The following KCNJ15 variants were observed in gnomAD, a reference collection of about 807,000 sequenced individuals.
The protein encoded by KCNJ15 is ATP-sensitive inward rectifier potassium channel 15.
A neutral mutation model predicts 23.0 loss-of-function variants in KCNJ15; 14 were observed. That is an observed-to-expected ratio of 0.61 (90% CI 0.40 to 0.95). The LOEUF (loss-of-function observed/expected upper bound fraction) is 0.95. KCNJ15 is among the 40% of genes least tolerant of loss of function. The pLI is 0.00. For missense variants in KCNJ15, 388 were observed against 461.8 expected, an observed-to-expected ratio of 0.84 and a Z score of 1.46; for synonymous variants, 185 against 183.2, an observed-to-expected ratio of 1.01 and a Z score of -0.08.
At chr21:38,243,663 C>A (rs1979164159) in intron 1 of KCNJ15, among the ~76,000 whole-genome samples, 2 of 152,210 alleles carry the variant, frequency 1.3e-5, no homozygotes, top group African/African-American at 4.8e-5. Context: ...CTCAGGTGAT[C>A]TGCCCGCCTC....
intron 1 of KCNJ15, among the ~76,000 whole-genome samples, chr21:38,281,309 G>T (rs992006997): frequency 6.6e-6 from 1 of 151,974 alleles, no homozygotes; most frequent in Admixed American, 6.6e-5. Context: ...ATAGGTATGG[G>T]GTACATGTGC....
rs1235511904 is a variant in KCNJ15 at position 38,301,432 on chromosome 21, G to A, written c.*1043G>A. Reference sequence around the variant, plus strand: ...TCTATTAAAATGGCTTGCCCATAAAGGAACTGCATAGGATTATCCCCTGAC... The same window carrying A: ...TCTATTAAAATGGCTTGCCCATAAAAGAACTGCATAGGATTATCCCCTGAC... On this transcript the variant is annotated 3_prime_UTR_variant, in exon 3 of 3. Transcript: ENST00000398938. 6.0e-6 allele frequency: 1 copy of A among 167,060 alleles called. No individual in the cohort carries two copies. The highest frequency in any genetic ancestry group is 1.5e-5 in the Non-Finnish European group (1 of 68,100). 10.3% of individuals were successfully genotyped at this position (167,060 alleles called of 1,614,324 possible). A position where few individuals can be genotyped will look rare whatever the true frequency, so the allele number is the denominator to read the frequency against.
At position 38,300,283 on chromosome 21, in the gene KCNJ15, T is replaced by G. The variant is rs1406899179; in HGVS notation, c.1022T>G (p.Phe341Cys). 6.2e-7 allele frequency: 1 copy of G among 1,614,028 alleles called. No individual in the cohort carries two copies. Among genetic ancestry groups the G allele is most frequent in the Non-Finnish European group, 8.5e-7 (1 of 1,180,016 alleles). ...EQIRKSPDCT[F>C]YCADSEKQQL... ...ATTCGGAAAAGCCCAGATTGCACATTTTACTGTGCAGATTCTGAGAAACAG... is the reference window on the plus strand; with the variant it reads ...ATTCGGAAAAGCCCAGATTGCACATGTTACTGTGCAGATTCTGAGAAACAG... Residue 341 changes from phenylalanine (F) to cysteine (C), a missense_variant, in exon 3 of 3, where the codon TTT (phenylalanine) becomes TGT (cysteine). By Grantham distance (205) the Phe-to-Cys change is radical (BLOSUM62 -2). Transcript: ENST00000398938.
At position 38,305,332 on chromosome 21, in the gene KCNJ15, T is replaced by G. The variant is rs567881506; in HGVS notation, c.*4943T>G. 36 of 152,318 alleles carry G rather than the reference T, an allele frequency of 2.4e-4. No individual in the cohort carries two copies. The highest frequency in any genetic ancestry group is 7.5e-4 in the African/African-American group (31 of 41,566). 9.4% of individuals were successfully genotyped at this position (152,318 alleles called of 1,614,324 possible). A position where few individuals can be genotyped will look rare whatever the true frequency, so the allele number is the denominator to read the frequency against. On this transcript the variant is annotated 3_prime_UTR_variant, in exon 3 of 3. Transcript: ENST00000398938. ...TTAGGAATTTATGGACATTCAGATA[T>G]CCACATATTTGAGGGCAGGAATTTT...
intron 1 of KCNJ15, among the ~76,000 whole-genome samples, chr21:38,295,546 A>C (rs1032855033): frequency 6.9e-6 from 1 of 145,690 alleles, no homozygotes; most frequent in Non-Finnish European, 1.5e-5. Flanking sequence ...GGCAAGCTGC[A>C]CTTTTTTTTT....
intron 1 of KCNJ15, chr21:38,237,258 A>G (rs1378197991): frequency 6.6e-6 from 1 of 152,312 alleles, no homozygotes; most frequent in African/African-American, 2.4e-5. Context: ...TGATCCAAAA[A>G]TAGCTTTAGA....
Position 38,302,774 on chromosome 21 carries a change from A to G in KCNJ15, c.*2385A>G, listed in dbSNP as rs892764953. 6.6e-6 allele frequency: 1 copy of G among 152,244 alleles called. No individual in the cohort carries two copies. The highest frequency in any genetic ancestry group is 2.4e-5 in the African/African-American group (1 of 41,470). 9.4% of individuals were successfully genotyped at this position (152,244 alleles called of 1,614,324 possible). ...ATTGTATATGGTACAAGGACGTAGC[A>G]TAAGATCCAAAAAAAATTTTGTATT... On this transcript the variant is annotated 3_prime_UTR_variant, in exon 3 of 3. Transcript: ENST00000398938.
chr21:38,240,822 A>C (rs1978944633), intron 1 of KCNJ15, among the ~76,000 whole-genome samples: 1 of 152,186 alleles, frequency 6.6e-6, no homozygotes. Context: ...TAGTCTGTAA[A>C]ACCTTGGCAT....
intron 1 of KCNJ15, among the ~76,000 whole-genome samples, chr21:38,245,306 AC>A (rs972039746): frequency 6.6e-6 from 1 of 151,768 alleles, no homozygotes; most frequent in African/African-American, 2.4e-5. Context: ...TCCAGGCCCC[AC>A]CCCAGACCAA....
intron 1 of KCNJ15, among the ~76,000 whole-genome samples, chr21:38,279,767 A>G (rs1488963353): frequency 1.3e-5 from 2 of 152,178 alleles, no homozygotes; most frequent in Admixed American, 1.3e-4. Flanking sequence ...TTCTATTTAG[A>G]CAAACTCATT....
intron 1 of KCNJ15, among the ~76,000 whole-genome samples, chr21:38,288,762 T>C (rs1285309978): frequency 2.6e-5 from 4 of 152,172 alleles, no homozygotes; most frequent in Admixed American, 6.5e-5. Context: ...TATAATGATA[T>C]GGCATAAAAA....
intron 1 of KCNJ15, among the ~76,000 whole-genome samples, chr21:38,234,491 C>G (rs146497894): frequency 3.9e-5 from 6 of 152,290 alleles, no homozygotes; most frequent in Non-Finnish European, 7.4e-5. Flanking sequence ...CAAGAATTAA[C>G]AATGGTAATT....
intron 1 of KCNJ15, among the ~76,000 whole-genome samples, chr21:38,282,110 G>A (rs9974616): frequency 0.052 from 7,845 of 151,940 alleles, 243 homozygotes; most frequent in South Asian, 0.076. Context: ...TTTTTTAAAT[G>A]GAGCAATATG....
intron 1 of KCNJ15, among the ~76,000 whole-genome samples, chr21:38,278,703 G>A (rs1457350603): frequency 6.6e-6 from 1 of 152,168 alleles, no homozygotes; most frequent in African/African-American, 2.4e-5. Context: ...AAGACAGGAG[G>A]TGGGCTTTCG....
In KCNJ15 at chr21:38,292,257, G is replaced by A. The variant is rs138923573; in HGVS notation, c.-116-4669G>A. 5.4e-4 allele frequency among the ~76,000 whole-genome samples: 82 copies of A among 152,324 alleles called. 2 individuals carry two copies. In the East Asian group the frequency reaches 0.011, roughly 20 times the overall value. On this transcript the variant is annotated intron_variant, in intron 1 of 2. Transcript: ENST00000398938. ...GAAAATAATTTCTCCCCAAGGTAAA[G>A]AGAGGGATTCAATAAGATAATATCT...
rs546736809 is a variant in KCNJ15 at position 38,304,217 on chromosome 21, A to G, written c.*3828A>G. ...TGCACCCATTAACTCGTCATTTAGC[A>G]TTAGGTATATCTCCTAATGCTATCC... On this transcript the variant is annotated 3_prime_UTR_variant, in exon 3 of 3. Transcript: ENST00000398938. 1 of 150,648 alleles carries G rather than the reference A, an allele frequency of 6.6e-6. No individual in the cohort carries two copies. The highest frequency in any genetic ancestry group is 2.4e-5 in the African/African-American group (1 of 41,020). The allele number at this position is 150,648 out of a possible 1,614,324, so 9.3% of individuals were successfully genotyped here. A position where few individuals can be genotyped will look rare whatever the true frequency, so the allele number is the denominator to read the frequency against.
In KCNJ15 at chr21:38,242,703, C is replaced by T. The variant is rs371265486; in HGVS notation, c.-398-14343C>T. Among the ~76,000 whole-genome samples the T allele has an allele frequency of 6.6e-5, 10 of 152,276 alleles. No individual in the cohort carries two copies. In the East Asian group the frequency reaches 1.7e-3, roughly 26 times the overall value. On this transcript the variant is annotated intron_variant, in intron 1 of 4. Transcript: ENST00000547341. ...GCAACTTCTTGGCTGACTCCTCCAT[C>T]CCCAGGAGGCTCTATCTAACAGCAG...
At chr21:38,280,611 G>A (rs555859401) in intron 1 of KCNJ15, among the ~76,000 whole-genome samples, 41 of 152,224 alleles carry the variant, frequency 2.7e-4, no homozygotes, top group African/African-American at 9.4e-4. Flanking sequence ...TTCCAGCTAT[G>A]TTTCCCATAA....
In KCNJ15 at chr21:38,304,457, G is replaced by A. The variant is rs1029156005; in HGVS notation, c.*4068G>A. On this transcript the variant is annotated 3_prime_UTR_variant, in exon 3 of 3. Coordinates refer to ENST00000398938, the MANE Select transcript of KCNJ15 (RefSeq NM_170736.3). Reference sequence around the variant, plus strand: ...CATGATGTAATTTTTTAAGCGAAAGGTACTAACATTTCCAGTCTTGATTTC... The same window carrying A: ...CATGATGTAATTTTTTAAGCGAAAGATACTAACATTTCCAGTCTTGATTTC... The A allele has an allele frequency of 5.9e-5, 9 of 151,460 alleles. No individual in the cohort carries two copies. Among genetic ancestry groups the A allele is most frequent in the African/African-American group, 2.4e-5 (1 of 41,232 alleles). The allele number at this position is 151,460 out of a possible 1,614,324, so 9.4% of individuals were successfully genotyped here.
Sources: gnomAD v4.1 joint callset for allele counts (sites outside exome capture counted in the v4.1 genomes callset) on GRCh38, gnomAD v4.1.1 for gene constraint, MANE v1.5 for transcripts, NCBI Gene and HGNC (gene_info 2026-07-23, HGNC 2026-07-21) for gene names.